The following MYT1L variants were observed in gnomAD, a reference collection of about 807,000 sequenced individuals.
MYT1L encodes myelin transcription factor 1-like protein.
Under a neutral mutation model 126.7 loss-of-function variants are expected in MYT1L, and 12 were observed. That is an observed-to-expected ratio of 0.09 (90% confidence interval 0.06 to 0.15). The LOEUF (loss-of-function observed/expected upper bound fraction) is 0.15, where lower values mean the gene tolerates loss of function less well. Ranked by LOEUF, MYT1L falls within the 10% of genes least tolerant of loss-of-function variation. The pLI is 1.00. For missense variants in MYT1L, 979 were observed against 1,585.2 expected, an observed-to-expected ratio of 0.62 and a Z score of 6.49; for synonymous variants, 541 against 604.2, an observed-to-expected ratio of 0.90 and a Z score of 1.53.
chr2:2,298,542 A>G (rs750350065), intron 1 of MYT1L, among the ~76,000 whole-genome samples: 1 of 152,240 alleles, frequency 6.6e-6, no homozygotes, highest in Non-Finnish European at 1.5e-5. Context: ...TTTTCTCTAA[A>G]AAACATAAAT....
chr2:1,971,273 C>T (rs1408848204), intron 8 of MYT1L, among the ~76,000 whole-genome samples: 2 of 152,186 alleles, frequency 1.3e-5, no homozygotes, highest in Non-Finnish European at 2.9e-5. Context: ...GTTGCATTCA[C>T]AATACAACAA....
At chr2:2,144,719 G>A (rs188700076) in intron 3 of MYT1L, among the ~76,000 whole-genome samples, 3 of 152,202 alleles carry the variant, frequency 2.0e-5, no homozygotes, top group Admixed American at 6.5e-5. Flanking sequence ...TAATGGAATC[G>A]TTTGTAAAGG....
chr2:2,249,889 A>ACATACAAATATCTTGCTTT (rs1452035376), intron 2 of MYT1L, among the ~76,000 whole-genome samples: 2 of 152,202 alleles, frequency 1.3e-5, no homozygotes, highest in African/African-American at 4.8e-5. Context: ...TTCTCAAAAG[A>ACATACAAATATCTTGCTTT]CATACAAATA....
intron 2 of MYT1L, among the ~76,000 whole-genome samples, chr2:2,186,351 C>A (rs1639298953): frequency 6.6e-6 from 1 of 152,356 alleles, no homozygotes; most frequent in Non-Finnish European, 1.5e-5. Context: ...GCAGCCGGGC[C>A]TTCCCGAGTC....
At chr2:1,945,036 C>A (rs1214726615) in intron 8 of MYT1L, among the ~76,000 whole-genome samples, 1 of 152,156 alleles carries the variant, frequency 6.6e-6, no homozygotes, top group African/African-American at 2.4e-5. Context: ...TTAAAACAAT[C>A]TGCGAAAGAC....
intron 13 of MYT1L, among the ~76,000 whole-genome samples, chr2:1,904,861 T>G (rs1573431925): frequency 6.6e-6 from 1 of 151,540 alleles, no homozygotes; most frequent in East Asian, 2.0e-4. Flanking sequence ...TGGTGCGATC[T>G]CGGCTCACTG....
At chr2:1,813,843 C>A (rs1328271175) in intron 21 of MYT1L, among the ~76,000 whole-genome samples, 1 of 119,862 alleles carries the variant, frequency 8.3e-6, no homozygotes, top group Admixed American at 8.9e-5. Flanking sequence ...CTGGCTAACA[C>A]GGTGAAACCC....
intron 18 of MYT1L, among the ~76,000 whole-genome samples, chr2:1,854,077 C>G (rs550635633): frequency 3.9e-5 from 6 of 152,024 alleles, no homozygotes; most frequent in Admixed American, 1.3e-4. Flanking sequence ...AGCACTTTCC[C>G]AATTTATATC....
At chr2:2,151,761 C>T (rs1340693499) in intron 3 of MYT1L, among the ~76,000 whole-genome samples, 3 of 152,120 alleles carry the variant, frequency 2.0e-5, no homozygotes, top group African/African-American at 7.2e-5. Context: ...CTAATAAAAA[C>T]AGCACAACTA....
intron 21 of MYT1L, among the ~76,000 whole-genome samples, chr2:1,831,772 T>G (rs1295662497): frequency 6.6e-6 from 1 of 152,118 alleles, no homozygotes; most frequent in African/African-American, 2.4e-5. Context: ...TGCAACTCTG[T>G]CTTCATCACG....
chr2:1,868,899 TG>T (rs1395818924), intron 18 of MYT1L, among the ~76,000 whole-genome samples: 1 of 152,200 alleles, frequency 6.6e-6, no homozygotes, highest in Non-Finnish European at 1.5e-5. Context: ...GTGGTGGCCA[TG>T]GGAGTGGGCT....
intron 4 of MYT1L, among the ~76,000 whole-genome samples, chr2:1,998,279 G>GC (rs987807372): frequency 1.3e-5 from 2 of 152,186 alleles, no homozygotes; most frequent in African/African-American, 4.8e-5. Flanking sequence ...TGAGCAGAGA[G>GC]CCCGGAGCCC....
chr2:2,011,179 A>G (rs1179116302), intron 4 of MYT1L, among the ~76,000 whole-genome samples: 1 of 152,204 alleles, frequency 6.6e-6, no homozygotes, highest in African/African-American at 2.4e-5. Flanking sequence ...ACTTGAGGTC[A>G]GGAGTTTGAG....
intron 21 of MYT1L, among the ~76,000 whole-genome samples, chr2:1,834,667 G>A (rs1056686317): frequency 1.3e-5 from 2 of 152,244 alleles, no homozygotes; most frequent in Non-Finnish European, 2.9e-5. Flanking sequence ...GGTGCCAGGG[G>A]CTAGGCAGCT....
chr2:2,283,581 C>T (rs1280273693), intron 2 of MYT1L, among the ~76,000 whole-genome samples: 4 of 152,150 alleles, frequency 2.6e-5, no homozygotes, highest in Non-Finnish European at 5.9e-5. Flanking sequence ...TAGCACTTCT[C>T]AATTCCACCC....
Position 2,213,386 on chromosome 2 carries a change from G to A in MYT1L, c.-420-40398C>T, listed in dbSNP as rs535934178. Among the ~76,000 whole-genome samples, 6 of 152,244 alleles carry A rather than the reference G, an allele frequency of 3.9e-5. No homozygotes were observed. The South Asian group carries it at 1.2e-3, about 32-fold the overall frequency. On this transcript the variant is annotated intron_variant, in intron 2 of 24. Coordinates refer to ENST00000647738, the MANE Select transcript of MYT1L (RefSeq NM_001303052.2). ...TTCAGGACAGAGCACTGCAGAGAAG[G>A]GAGCTGCAGAGAGATAATCCTGGGG...
intron 2 of MYT1L, among the ~76,000 whole-genome samples, chr2:2,242,331 T>G (rs2094455192): frequency 6.6e-6 from 1 of 152,182 alleles, no homozygotes; most frequent in African/African-American, 2.4e-5. Flanking sequence ...GATCCAATAT[T>G]ATTAACAGAG....
At chr2:2,128,619 T>C (rs1447084220) in intron 3 of MYT1L, among the ~76,000 whole-genome samples, 1 of 152,228 alleles carries the variant, frequency 6.6e-6, no homozygotes, top group African/African-American at 2.4e-5. Flanking sequence ...GTTAACTACA[T>C]AAATACACAT....
chr2:2,159,394 G>A (rs999379790), intron 3 of MYT1L, among the ~76,000 whole-genome samples: 1 of 152,164 alleles, frequency 6.6e-6, no homozygotes, highest in Non-Finnish European at 1.5e-5. Context: ...TAGGTGCACA[G>A]ATGTGCTTTA....
Sources: allele counts gnomAD v4.1 joint callset (sites outside exome capture counted in the v4.1 genomes callset), GRCh38; gene constraint gnomAD v4.1.1; transcripts MANE v1.5; gene names NCBI Gene and HGNC (gene_info 2026-07-23, HGNC 2026-07-21).